ANO10: variants seen among roughly 807,000 people sequenced by gnomAD.
The protein encoded by ANO10 is anoctamin-10.
A neutral mutation model predicts 74.7 loss-of-function variants in ANO10; 77 were observed. The observed-to-expected ratio is 1.03, with a 90% CI of 0.86 to 1.25. The LOEUF (loss-of-function observed/expected upper bound fraction) is 1.25, where lower values mean the gene tolerates loss of function less well. Among genes scored for constraint, ANO10 ranks in the 50% most tolerant of loss-of-function variants. The pLI is 0.00. For missense variants in ANO10, 721 were observed against 778.1 expected, an observed-to-expected ratio of 0.93 and a Z score of 0.87; for synonymous variants, 279 against 284.9, an observed-to-expected ratio of 0.98 and a Z score of 0.21.
At chr3:43,649,435 T>G (rs1456333845) in intron 1 of ANO10, among the ~76,000 whole-genome samples, 1 of 152,214 alleles carries the variant, frequency 6.6e-6, no homozygotes, top group East Asian at 1.9e-4. Context: ...GAACCATAAC[T>G]GTCTAGGGTT....
At chr3:43,410,261 A>AT (rs1259930155) in intron 12 of ANO10, among the ~76,000 whole-genome samples, 4 of 151,856 alleles carry the variant, frequency 2.6e-5, no homozygotes, top group African/African-American at 4.8e-5. Flanking sequence ...TATTTTATTT[A>AT]TTTTTTAGAG....
At chr3:43,537,107 A>C in intron 11 of ANO10, among the ~76,000 whole-genome samples, 1 of 152,134 alleles carries the variant, frequency 6.6e-6, no homozygotes. Flanking sequence ...TATTACAGCA[A>C]TCTCCGGGAC....
intron 1 of ANO10, among the ~76,000 whole-genome samples, chr3:43,613,566 G>A (rs952252752): frequency 6.6e-6 from 1 of 152,170 alleles, no homozygotes; most frequent in Admixed American, 6.5e-5. Flanking sequence ...CTGAGCAGAG[G>A]ATTTTGTGTC....
intron 11 of ANO10, among the ~76,000 whole-genome samples, chr3:43,514,139 A>T (rs2077618855): frequency 6.6e-6 from 1 of 151,864 alleles, no homozygotes; most frequent in South Asian, 2.1e-4. Context: ...CACTTTAATC[A>T]TATCAATAAT....
In ANO10 at chr3:43,580,434, A is replaced by G. The variant is rs1349840433; in HGVS notation, c.511T>C (p.Phe171Leu). The G allele has an allele frequency of 6.2e-7, 1 of 1,613,982 alleles. No individual in the cohort carries two copies. The highest frequency in any genetic ancestry group is 8.5e-7 in the Non-Finnish European group (1 of 1,180,010). ...LLTSGIVIQV[F>L]PLHDSEALKK... ...AGGGCTTCACTGTCATGCAGTGGAA[A>G]CACCTGAATCACGATGCCAGACGTG... Residue 171 changes from phenylalanine (F) to leucine (L), a missense_variant, in exon 5 of 13, where the codon TTT becomes CTT. Transcript: ENST00000292246.
chr3:43,580,624 T>C (rs2081225204), intron 4 of ANO10, 152 bp from the exon 5 acceptor site: 2 of 933,786 alleles, frequency 2.1e-6, no homozygotes, highest in Non-Finnish European at 3.3e-6. Flanking sequence ...TCTTTCATTT[T>C]TCAGAATGTA....
intron 12 of ANO10, among the ~76,000 whole-genome samples, chr3:43,399,071 A>C (rs369718694): frequency 6.6e-6 from 1 of 152,116 alleles, no homozygotes; most frequent in Non-Finnish European, 1.5e-5. Context: ...CAAGTGATCC[A>C]CTCACCTCGA....
intron 1 of ANO10, among the ~76,000 whole-genome samples, chr3:43,665,580 T>C (rs1442381597): frequency 2.0e-5 from 3 of 152,126 alleles, no homozygotes. Flanking sequence ...AAGGCACTTA[T>C]TATGGAGAAC....
intron 10 of ANO10, among the ~76,000 whole-genome samples, chr3:43,550,772 T>G (rs1056822931): frequency 2.0e-5 from 3 of 149,290 alleles, no homozygotes; most frequent in Admixed American, 6.6e-5. Context: ...GATTATATTC[T>G]CATGGCTTAA....
chr3:43,519,896 T>A (rs1388586618), intron 11 of ANO10, among the ~76,000 whole-genome samples: 1 of 152,192 alleles, frequency 6.6e-6, no homozygotes, highest in Non-Finnish European at 1.5e-5. Context: ...TTCTTGTAAC[T>A]GTAGGGCTTA....
At chr3:43,653,386 C>T (rs959902980) in intron 1 of ANO10, among the ~76,000 whole-genome samples, 10 of 152,082 alleles carry the variant, frequency 6.6e-5, no homozygotes, top group Non-Finnish European at 1.3e-4. Context: ...TCTTTCCAAC[C>T]ACTATATTGG....
intron 11 of ANO10, among the ~76,000 whole-genome samples, chr3:43,501,545 T>G (rs868419683): frequency 6.6e-6 from 1 of 151,960 alleles, no homozygotes; most frequent in Non-Finnish European, 1.5e-5. Context: ...TGAGAAATCA[T>G]GAGGTCAAAG....
Position 43,679,690 on chromosome 3 carries a change from C to T in ANO10, c.-12+11827G>A, listed in dbSNP as rs1274580484. Among the ~76,000 whole-genome samples, 9 of 152,312 alleles carry T rather than the reference C, an allele frequency of 5.9e-5. No homozygotes were observed. The East Asian group carries it at 1.5e-3, about 26-fold the overall frequency. ...AGTAGCCTAACTGGGAGGCATCCCC[C>T]AGTAGGGGCAGACTGTCACTTCACA... On this transcript the variant is annotated intron_variant, in intron 1 of 3. Transcript: ENST00000413397.
intron 12 of ANO10, among the ~76,000 whole-genome samples, chr3:43,396,079 T>A (rs1174111636): frequency 2.0e-5 from 3 of 150,216 alleles, no homozygotes; most frequent in South Asian, 2.1e-4. Context: ...TTTATTTATT[T>A]TTTTTTTTTG....
intron 1 of ANO10, among the ~76,000 whole-genome samples, chr3:43,606,491 A>ATCAC (rs1428730932): frequency 6.6e-6 from 1 of 152,088 alleles, no homozygotes; most frequent in African/African-American, 2.4e-5. Flanking sequence ...GCTATTACAG[A>ATCAC]TCACAAAGAG....
intron 1 of ANO10, among the ~76,000 whole-genome samples, chr3:43,658,719 T>G (rs968011657): frequency 1.1e-4 from 17 of 152,192 alleles, no homozygotes; most frequent in Non-Finnish European, 2.4e-4. Flanking sequence ...TCGCCCACCT[T>G]GGCCACCCAA....
At chr3:43,461,000 A>C (rs1166955844) in intron 11 of ANO10, among the ~76,000 whole-genome samples, 1 of 152,024 alleles carries the variant, frequency 6.6e-6, no homozygotes, top group Non-Finnish European at 1.5e-5. Context: ...GCTAGAAAAA[A>C]AAAACAGGAA....
chr3:43,597,057 C>T (rs1239708990), intron 4 of ANO10, among the ~76,000 whole-genome samples: 1 of 152,144 alleles, frequency 6.6e-6, no homozygotes, highest in East Asian at 1.9e-4. Flanking sequence ...ATCAAAACCA[C>T]AATGAGATAC....
At chr3:43,558,361 C>A (rs2079864575) in intron 9 of ANO10, among the ~76,000 whole-genome samples, 2 of 152,038 alleles carry the variant, frequency 1.3e-5, no homozygotes, top group South Asian at 4.1e-4. Flanking sequence ...CCCAGCTATG[C>A]AGTTGGATAT....
Sources: gnomAD v4.1 joint callset for allele counts (sites outside exome capture counted in the v4.1 genomes callset) on GRCh38, gnomAD v4.1.1 for gene constraint, MANE v1.5 for transcripts, NCBI Gene and HGNC (gene_info 2026-07-23, HGNC 2026-07-21) for gene names.